The following PCYOX1L variants were observed in gnomAD, a reference collection of about 807,000 sequenced individuals.
The protein encoded by PCYOX1L is prenylcysteine oxidase 1 like.
Under a neutral mutation model 44.1 loss-of-function variants are expected in PCYOX1L, and 40 were observed. The observed-to-expected ratio is 0.91, with a 90% CI of 0.70 to 1.18. PCYOX1L has a LOEUF of 1.18. PCYOX1L is among the 50% of genes most tolerant of loss of function. PCYOX1L has a pLI of 0.00. For missense variants in PCYOX1L, 605 were observed against 653.3 expected (o/e 0.93, Z 0.81); for synonymous variants, 266 against 282.8 (o/e 0.94, Z 0.60).
In PCYOX1L at chr5:149,369,049, A is replaced by G. The variant is rs1338206447; in HGVS notation, c.*395A>G. 2 of 158,642 alleles carry G rather than the reference A, an allele frequency of 1.3e-5. No homozygotes were observed. The highest frequency in any genetic ancestry group is 4.8e-5 in the African/African-American group (2 of 41,730). The allele number at this position is 158,642 out of a possible 1,614,324, so 9.8% of individuals were successfully genotyped here. A position where few individuals can be genotyped will look rare whatever the true frequency, so the allele number is the denominator to read the frequency against. The stretch of plus-strand genomic sequence containing the variant: ...TCACTACCTACTCCCACAATGGACA[A>G]TCAATTGAGGCAACCTACAAGAAAA... On this transcript the variant is annotated 3_prime_UTR_variant, in exon 6 of 6. Coordinates refer to ENST00000274569, the MANE Select transcript of PCYOX1L (RefSeq NM_024028.4).
rs765192549 is a variant in PCYOX1L, at chr5:149,368,263, C to A, written c.1094C>A (p.Pro365His). 4.3e-6 allele frequency: 7 copies of A among 1,614,190 alleles called. No individual in the cohort carries two copies. The highest frequency in any genetic ancestry group is 5.9e-6 in the Non-Finnish European group (7 of 1,180,034). Residue 365 changes from proline (P) to histidine (H), a missense_variant, in exon 6 of 6, where the codon CCC (proline) becomes CAC (histidine). Physicochemically the swap from Pro to His is moderately conservative, Grantham distance 77. Coordinates refer to ENST00000274569, the MANE Select transcript of PCYOX1L (RefSeq NM_024028.4). ...GCCAACATCCTTACCACAGATTTCC[C>A]CAGCTTCTTCTGCACTCTGGACAAC... Reference protein sequence around the residue: ...PFANILTTDFPSFFCTLDNIC... With the variant: ...PFANILTTDFHSFFCTLDNIC...
intron 3 of PCYOX1L, chr5:149,365,189 C>T (rs1758157555): frequency 6.6e-6 from 1 of 152,340 alleles, no homozygotes; most frequent in Non-Finnish European, 1.5e-5. Flanking sequence ...TCAATTATAT[C>T]CAGACCAATA....
At chr5:149,365,884 C>CAG in intron 3 of PCYOX1L, 58 bp from the exon 4 acceptor site, 1 of 1,553,562 alleles carries the variant, frequency 6.4e-7, no homozygotes, top group Non-Finnish European at 8.9e-7. Context: ...AACCCAGGGG[C>CAG]AGGTGGTCAG....
In PCYOX1L at chr5:149,368,145, C is replaced by T. The variant is rs562263704; in HGVS notation, c.976C>T (p.Gln326Ter). ...AGFHPPIDDV[Q>*]GSFQPTVVSL... ...CTTCCACCCGCCCATTGATGACGTGCAGGGCTCTTTCCAGCCCACCGTCGT... is the reference window on the plus strand; with the variant it reads ...CTTCCACCCGCCCATTGATGACGTGTAGGGCTCTTTCCAGCCCACCGTCGT... Residue 326 changes from glutamine (Q) to a stop codon, truncating the protein, a stop_gained, in exon 6 of 6, where the codon CAG (glutamine) becomes TAG (stop). Coordinates refer to ENST00000274569, the MANE Select transcript of PCYOX1L (RefSeq NM_024028.4). LOFTEE classifies it high-confidence loss of function. 3 of 1,613,416 alleles carry T rather than the reference C, an allele frequency of 1.9e-6. No individual in the cohort carries two copies. In the Admixed American group the frequency reaches 5.0e-5, roughly 27 times the overall value.
chr5:149,364,567 C>T, intron 3 of PCYOX1L: 1 of 199,180 alleles, frequency 5.0e-6, no homozygotes. Context: ...AGGCAGCCAG[C>T]CCTCCACCGC....
At position 149,358,104 on chromosome 5, in the gene PCYOX1L, C is replaced by G. The variant is rs566447010; in HGVS notation, c.36C>G (p.Thr12=). Reference sequence around the variant, plus strand: ...CAGCCCCGCTGCTCGCCGCGTTGACCGCGCTCCTCGCCGCCGCCGCTGCTG... The same window carrying G: ...CAGCCCCGCTGCTCGCCGCGTTGACGGCGCTCCTCGCCGCCGCCGCTGCTG... ...ARAAPLLAAL[T]ALLAAAAAGG... Residue 12 remains threonine, a synonymous_variant, in exon 1 of 6, where the codon ACC becomes ACG. Coordinates refer to ENST00000274569, the MANE Select transcript of PCYOX1L (RefSeq NM_024028.4). 176 of 1,451,462 alleles carry G rather than the reference C, an allele frequency of 1.2e-4. 3 individuals are homozygous for G. In the South Asian group the frequency reaches 2.2e-3, roughly 18 times the overall value. The allele number at this position is 1,451,462 out of a possible 1,614,324, so 89.9% of individuals were successfully genotyped here. A position where few individuals can be genotyped will look rare whatever the true frequency, so the allele number is the denominator to read the frequency against.
rs539954177 is a variant in PCYOX1L at position 149,362,491 on chromosome 5, C to T, written c.89-146C>T. 2.4e-5 allele frequency: 19 copies of T among 782,364 alleles called. No individual in the cohort carries two copies. The African/African-American group carries it at 2.4e-4, about 10-fold the overall frequency. The allele number at this position is 782,364 out of a possible 1,614,324, so 48.5% of individuals were successfully genotyped here. A position where few individuals can be genotyped will look rare whatever the true frequency, so the allele number is the denominator to read the frequency against. ...TAATAGCTCTACTGACAACTCAGTCCGCAGATTTCCTTTTGGAAATGTTAT... is the reference window on the plus strand; with the variant it reads ...TAATAGCTCTACTGACAACTCAGTCTGCAGATTTCCTTTTGGAAATGTTAT... On this transcript the variant is annotated intron_variant, in intron 1 of 5. Coordinates refer to ENST00000274569, the MANE Select transcript of PCYOX1L (RefSeq NM_024028.4).
chr5:149,366,278 T>C, intron 4 of PCYOX1L, 125 bp downstream of exon 4: 1 of 912,590 alleles, frequency 1.1e-6, no homozygotes, highest in Non-Finnish European at 1.6e-6. Context: ...GGCACTCTGC[T>C]GCCCCATCCT....
At chr5:149,358,290 A>G (rs1757910685) in intron 1 of PCYOX1L, 134 bp downstream of exon 1, 2 of 1,238,012 alleles carry the variant, frequency 1.6e-6, no homozygotes, top group East Asian at 6.7e-5. Flanking sequence ...TGGGTGGAGG[A>G]GAGGCGCCGA....
intron 1 of PCYOX1L, 153 bp downstream of exon 1, chr5:149,358,309 C>T (rs1185050221): frequency 1.3e-5 from 15 of 1,197,384 alleles, no homozygotes; most frequent in Non-Finnish European, 1.6e-5. Context: ...GAAGGGGACG[C>T]GGCAGGGAAG....
intron 1 of PCYOX1L, among the ~76,000 whole-genome samples, chr5:149,360,389 C>T (rs1693920): frequency 0.11 from 17,172 of 152,156 alleles, 1,338 homozygotes; most frequent in Non-Finnish European, 0.17. Context: ...GGACTCTTTG[C>T]ACATGGAGGG....
chr5:149,362,555 A>G (rs1758036829), intron 1 of PCYOX1L, 82 bp from the exon 2 acceptor site: 1 of 1,438,064 alleles, frequency 7.0e-7, no homozygotes, highest in Non-Finnish European at 9.7e-7. Context: ...CCACCAGCGC[A>G]GGAGGATACA....
intron 1 of PCYOX1L, among the ~76,000 whole-genome samples, chr5:149,361,254 T>C (rs1758001908): frequency 6.6e-6 from 1 of 152,018 alleles, no homozygotes; most frequent in Admixed American, 6.5e-5. Flanking sequence ...ACGAAAAATA[T>C]GTCGGGCATG....
chr5:149,358,105 G>T lies in PCYOX1L; in HGVS notation c.37G>T (p.Ala13Ser). 6.9e-7 allele frequency: 1 copy of T among 1,451,556 alleles called. No homozygotes were observed. The allele number at this position is 1,451,556 out of a possible 1,614,324, so 89.9% of individuals were successfully genotyped here. A position where few individuals can be genotyped will look rare whatever the true frequency, so the allele number is the denominator to read the frequency against. ...RAAPLLAALTALLAAAAAGGD... is the reference protein window; with the variant it reads ...RAAPLLAALTSLLAAAAAGGD... ...AGCCCCGCTGCTCGCCGCGTTGACC[G>T]CGCTCCTCGCCGCCGCCGCTGCTGG... The change falls in exon 1 of 6, where the codon GCG becomes TCG. Residue 13 changes from alanine to serine, a missense_variant. Coordinates refer to ENST00000274569, the MANE Select transcript of PCYOX1L (RefSeq NM_024028.4).
chr5:149,363,957 T>G, intron 2 of PCYOX1L, 79 bp from the exon 3 acceptor site: 1 of 1,511,802 alleles, frequency 6.6e-7, no homozygotes. Context: ...TTGTGTTTCC[T>G]TTAATGGACC....
chr5:149,359,141 C>T (rs1403020160), intron 1 of PCYOX1L, among the ~76,000 whole-genome samples: 6 of 151,620 alleles, frequency 4.0e-5, no homozygotes, highest in Non-Finnish European at 8.8e-5. Context: ...ACGTGATATT[C>T]CCACAGGCAG....
Position 149,368,371 on chromosome 5 carries a change from C to T in PCYOX1L, c.1202C>T (p.Pro401Leu), listed in dbSNP as rs1758304380. Residue 401 changes from proline (P) to leucine (L), a missense_variant, in exon 6 of 6, where the codon CCC becomes CTC. By Grantham distance (98) the Pro-to-Leu change is moderately conservative (BLOSUM62 -3). Coordinates refer to ENST00000274569, the MANE Select transcript of PCYOX1L (RefSeq NM_024028.4). ...AAVWRVQSPKPLFRTQLKTLF... is the reference protein window; with the variant it reads ...AAVWRVQSPKLLFRTQLKTLF... Reference sequence around the variant, plus strand: ...GTTTGGCGAGTCCAGTCCCCCAAGCCCCTCTTTCGGACCCAGCTAAAGACC... The same window carrying T: ...GTTTGGCGAGTCCAGTCCCCCAAGCTCCTCTTTCGGACCCAGCTAAAGACC... 6.2e-7 allele frequency: 1 copy of T among 1,614,068 alleles called. No individual in the cohort carries two copies. The highest frequency in any genetic ancestry group is 1.3e-5 in the African/African-American group (1 of 74,926).
Position 149,358,171 on chromosome 5 carries a change from C to G in PCYOX1L, c.88+15C>G. 1.4e-6 allele frequency: 2 copies of G among 1,436,666 alleles called. No homozygotes were observed. The highest frequency in any genetic ancestry group is 1.8e-6 in the Non-Finnish European group (2 of 1,095,798). The allele number at this position is 1,436,666 out of a possible 1,614,324, so 89.0% of individuals were successfully genotyped here. A position where few individuals can be genotyped will look rare whatever the true frequency, so the allele number is the denominator to read the frequency against. On this transcript the variant is annotated intron_variant, in intron 1 of 5. Transcript: ENST00000274569. ...GGGCAAAATCGGTGCGGGAAGGACG[C>G]GGTGGGGTTCCCAGCTGGGGAGGGC... is the stretch of plus-strand genomic sequence containing the variant.
rs2081020 is a variant in PCYOX1L at position 149,366,188 on chromosome 5, C to T, written c.682+35C>T. On this transcript the variant is annotated intron_variant, in intron 4 of 5. Coordinates refer to ENST00000274569, the MANE Select transcript of PCYOX1L (RefSeq NM_024028.4). ...CAACCCTTGGCCTGCCCACCTGCCC[C>T]TCCTCCACCCAAGGTGCTCAGAATG... 4.8e-5 allele frequency: 76 copies of T among 1,596,144 alleles called. No homozygotes were observed. In the South Asian group the frequency reaches 7.3e-4, roughly 15 times the overall value.
Sources: gnomAD v4.1 joint callset for allele counts (sites outside exome capture counted in the v4.1 genomes callset) on GRCh38, gnomAD v4.1.1 for gene constraint, MANE v1.5 for transcripts, NCBI Gene and HGNC (gene_info 2026-07-23, HGNC 2026-07-21) for gene names.